The following RLIM variants were observed in gnomAD, a reference collection of about 807,000 sequenced individuals.
The protein encoded by RLIM is E3 ubiquitin-protein ligase RLIM.
RLIM carries 2 observed loss-of-function variants against 34.0 expected under a neutral mutation model. That is an observed-to-expected ratio of 0.06 (90% CI 0.02 to 0.19). The LOEUF is 0.19. RLIM is among the 10% of genes least tolerant of loss of function. The probability of loss-of-function intolerance (pLI) is 1.00; values close to 1 mark genes in which losing one functional copy is unlikely to be tolerated. For missense variants in RLIM, 286 were observed against 479.7 expected, an observed-to-expected ratio of 0.60 and a Z score of 3.77; for synonymous variants, 169 against 164.0, an observed-to-expected ratio of 1.03 and a Z score of -0.23.
rs2079597716 is a variant in RLIM at position 74,588,499 on chromosome X, A to G, written c.*2941T>C. On this transcript the variant is annotated 3_prime_UTR_variant, in exon 4 of 4. Transcript: ENST00000332687. ...AAAACAAAACAAAACAAAACAAAAC[A>G]AAAAAACCTCAACTTTGTCAGCTGC... 4.5e-5 allele frequency: 5 copies of G among 111,856 alleles called. No homozygotes were observed. The Admixed American group carries it at 4.8e-4, about 11-fold the overall frequency. The allele number at this position is 111,856 out of a possible 1,213,427, so 9.2% of individuals were successfully genotyped here.
Position 74,584,579 on chromosome X carries a change from A to G in RLIM, c.*6861T>C, listed in dbSNP as rs1931300617. ...ATTTATCGAATCCTTTCTTCTAGGT[A>G]TCTGGGGGTTTTTTTGAGACAAGGT... On this transcript the variant is annotated 3_prime_UTR_variant, in exon 4 of 4. Transcript: ENST00000332687. Among the ~76,000 whole-genome samples the G allele has an allele frequency of 3.6e-5, 4 of 111,346 alleles. No homozygotes were observed. The highest frequency in any genetic ancestry group is 7.6e-4 in the South Asian group (2 of 2,645).
chrX:74,601,805 T>C (rs2079662663), intron 1 of RLIM, among the ~76,000 whole-genome samples: 1 of 111,833 alleles, frequency 8.9e-6, no homozygotes, highest in African/African-American at 3.3e-5. Context: ...ATAGGAATTA[T>C]CTGGAAATCT....
At position 74,585,434 on chromosome X, in the gene RLIM, T is replaced by A. The variant is rs924599466; in HGVS notation, c.*6006A>T. ...CATTGGTTTGAAGCAACAGAACCTTTATAGCAGATTCCCCTTTTTAAAGAA... is the reference window on the plus strand; with the variant it reads ...CATTGGTTTGAAGCAACAGAACCTTAATAGCAGATTCCCCTTTTTAAAGAA... On this transcript the variant is annotated 3_prime_UTR_variant, in exon 4 of 4. Transcript: ENST00000332687. The A allele has an allele frequency of 8.9e-6, 1 of 111,775 alleles. No individual in the cohort carries two copies. The highest frequency in any genetic ancestry group is 3.3e-5 in the African/African-American group (1 of 30,739). The allele number at this position is 111,775 out of a possible 1,213,427, so 9.2% of individuals were successfully genotyped here. A position where few individuals can be genotyped will look rare whatever the true frequency, so the allele number is the denominator to read the frequency against.
chrX:74,594,491 A>T (rs1227307060), intron 2 of RLIM, 102 bp from the exon 3 acceptor site: 2 of 538,077 alleles, frequency 3.7e-6, no homozygotes, highest in African/African-American at 4.9e-5. Context: ...TTAGAAAAAA[A>T]ATCATATTTT....
chrX:74,608,561 C>T (rs185129345), intron 1 of RLIM, among the ~76,000 whole-genome samples: 6 of 111,482 alleles, frequency 5.4e-5, no homozygotes, highest in Admixed American at 1.9e-4. Flanking sequence ...ACCAAGGTAT[C>T]CCCCACTGCT....
In RLIM at chrX:74,590,822, A is replaced by T. The variant is rs1372676464; in HGVS notation, c.*618T>A. 8.9e-6 allele frequency: 1 copy of T among 112,847 alleles called. No homozygotes were observed. Among genetic ancestry groups the T allele is most frequent in the Non-Finnish European group, 1.9e-5 (1 of 53,362 alleles). The allele number at this position is 112,847 out of a possible 1,213,427, so 9.3% of individuals were successfully genotyped here. Reference sequence around the variant, plus strand: ...GCTTTTTAATATTTCCACAAGATAAATATCTCAATTAAACTATAAGCTCAC... The same window carrying T: ...GCTTTTTAATATTTCCACAAGATAATTATCTCAATTAAACTATAAGCTCAC... On this transcript the variant is annotated 3_prime_UTR_variant, in exon 4 of 4. Coordinates refer to ENST00000332687, the MANE Select transcript of RLIM (RefSeq NM_016120.4).
In RLIM at chrX:74,588,687, T is replaced by C. The variant is rs534827886; in HGVS notation, c.*2753A>G. On this transcript the variant is annotated 3_prime_UTR_variant, in exon 4 of 4. Coordinates refer to ENST00000332687, the MANE Select transcript of RLIM (RefSeq NM_016120.4). ...TCCTCTTACTGCATGAAGTTCAAAC[T>C]AGGTCTTAAAGACAACTTTTCTGTA... The C allele has an allele frequency of 3.6e-5, 4 of 112,051 alleles. No homozygotes were observed. Among genetic ancestry groups the C allele is most frequent in the African/African-American group, 1.3e-4 (4 of 30,894 alleles). 9.2% of individuals were successfully genotyped at this position (112,051 alleles called of 1,213,427 possible).
chrX:74,608,039 G>T (rs1415828425), intron 1 of RLIM, among the ~76,000 whole-genome samples: 5 of 111,698 alleles, frequency 4.5e-5, no homozygotes, highest in African/African-American at 1.6e-4. Context: ...TAACAACCAG[G>T]TATCTTTTTT....
At chrX:74,601,973 A>C (rs1221190747) in intron 1 of RLIM, among the ~76,000 whole-genome samples, 6 of 111,488 alleles carry the variant, frequency 5.4e-5, no homozygotes, top group South Asian at 7.5e-4. Flanking sequence ...CAGTTGTTGA[A>C]CACCACCCTC....
intron 1 of RLIM, among the ~76,000 whole-genome samples, chrX:74,614,126 C>T (rs1213164219): frequency 1.8e-5 from 2 of 110,308 alleles, no homozygotes; most frequent in Non-Finnish European, 3.8e-5. Flanking sequence ...AACTGCCTCC[C>T]CCGATTTCCT....
intron 1 of RLIM, among the ~76,000 whole-genome samples, chrX:74,612,170 CCACA>C (rs751169056): frequency 8.9e-6 from 1 of 112,036 alleles, no homozygotes; most frequent in African/African-American, 3.2e-5. Context: ...AAATCAACCA[CCACA>C]CACAAAGTAA....
chrX:74,608,304 G>A (rs1419586004), intron 1 of RLIM, among the ~76,000 whole-genome samples: 2 of 110,681 alleles, frequency 1.8e-5, no homozygotes, highest in Non-Finnish European at 3.8e-5. Flanking sequence ...TTAAGTTTAG[G>A]AAACAGCACA....
chrX:74,607,480 C>T (rs1036565375), intron 1 of RLIM, among the ~76,000 whole-genome samples: 5 of 113,005 alleles, frequency 4.4e-5, no homozygotes, highest in East Asian at 2.8e-4. Flanking sequence ...GAGGCCGACG[C>T]GGGCGGATCA....
rs1931253836 is a variant in RLIM, at chrX:74,583,202, A to G, written c.*8238T>C. On this transcript the variant is annotated 3_prime_UTR_variant, in exon 4 of 4. Coordinates refer to ENST00000332687, the MANE Select transcript of RLIM (RefSeq NM_016120.4). The stretch of plus-strand genomic sequence containing the variant: ...CAACCTTAGAATGGAGTGACTCTGG[A>G]GACTTGAGCATATGAAGAAGTTCTG... 6 of 1,091,080 alleles carry G rather than the reference A, an allele frequency of 5.5e-6. No homozygotes were observed. Among genetic ancestry groups the G allele is most frequent in the Non-Finnish European group, 7.6e-6 (6 of 784,761 alleles). 89.9% of individuals were successfully genotyped at this position (1,091,080 alleles called of 1,213,427 possible). A position where few individuals can be genotyped will look rare whatever the true frequency, so the allele number is the denominator to read the frequency against.
rs986811299 is a variant in RLIM at position 74,614,503 on chromosome X, C to G, written c.-105G>C. The G allele has an allele frequency of 8.8e-6, 1 of 113,069 alleles. No homozygotes were observed. Among genetic ancestry groups the G allele is most frequent in the Non-Finnish European group, 1.9e-5 (1 of 53,474 alleles). The allele number at this position is 113,069 out of a possible 1,213,427, so 9.3% of individuals were successfully genotyped here. A position where few individuals can be genotyped will look rare whatever the true frequency, so the allele number is the denominator to read the frequency against. On this transcript the variant is annotated 5_prime_UTR_variant, in exon 1 of 4. Transcript: ENST00000332687. Reference sequence around the variant, plus strand: ...TCCGCACCTCCCTGGCCGCCGCTCTCAAGCCCGCCTCCAATGAGTAGCTGG... The same window carrying G: ...TCCGCACCTCCCTGGCCGCCGCTCTGAAGCCCGCCTCCAATGAGTAGCTGG...
Position 74,583,538 on chromosome X carries a change from T to TG in RLIM, c.*7901dup. On this transcript the variant is annotated 3_prime_UTR_variant, in exon 4 of 4. Transcript: ENST00000332687. ...CAAGACGTGGACCCATTGTCTGTGTTGATGAATTCACCAAATTTTTATTCC... is the reference window on the plus strand; with the variant it reads ...CAAGACGTGGACCCATTGTCTGTGTTGGATGAATTCACCAAATTTTTATTCC... 1.9e-6 allele frequency: 1 copy of TG among 538,980 alleles called. No individual in the cohort carries two copies. Among genetic ancestry groups the TG allele is most frequent in the Non-Finnish European group, 3.3e-6 (1 of 299,592 alleles). The allele number at this position is 538,980 out of a possible 1,213,427, so 44.4% of individuals were successfully genotyped here.
At chrX:74,598,558 C>G (rs1008145687) in intron 1 of RLIM, among the ~76,000 whole-genome samples, 23 of 110,595 alleles carry the variant, frequency 2.1e-4, no homozygotes, top group African/African-American at 6.9e-4. Flanking sequence ...GTGGGCGGAT[C>G]ACGAGGTCAG....
intron 1 of RLIM, among the ~76,000 whole-genome samples, chrX:74,604,665 T>A (rs2079675618): frequency 8.9e-6 from 1 of 111,840 alleles, no homozygotes; most frequent in Admixed American, 9.5e-5. Flanking sequence ...ATTTCCTACA[T>A]AGAAACTAGA....
rs889709165 is a variant in RLIM at position 74,593,039 on chromosome X, C to T, written c.276G>A (p.Val92=). Residue 92 remains valine, a synonymous_variant, in exon 4 of 4, where the codon GTG becomes GTA. Coordinates refer to ENST00000332687, the MANE Select transcript of RLIM (RefSeq NM_016120.4). ...ENRGGDSSDD[V]SNGDSIIDWL... ...AGTCTATTATAGAGTCACCATTAGA[C>T]ACATCATCTGAAGAGTCTCCTCCTG... 25 of 1,205,557 alleles carry T rather than the reference C, an allele frequency of 2.1e-5. No individual in the cohort carries two copies. The highest frequency in any genetic ancestry group is 2.8e-5 in the Non-Finnish European group (25 of 892,116).
Sources: gnomAD v4.1 joint callset for allele counts (sites outside exome capture counted in the v4.1 genomes callset) on GRCh38, gnomAD v4.1.1 for gene constraint, MANE v1.5 for transcripts, NCBI Gene and HGNC (gene_info 2026-07-23, HGNC 2026-07-21) for gene names.